FOLR2: variants seen among roughly 807,000 people sequenced by gnomAD.
The protein encoded by FOLR2 is folate receptor beta.
Under a neutral mutation model 20.4 loss-of-function variants are expected in FOLR2, and 14 were observed. That is an observed-to-expected ratio of 0.68 (90% CI 0.45 to 1.07). The LOEUF (loss-of-function observed/expected upper bound fraction) is 1.07, where lower values mean the gene tolerates loss of function less well. FOLR2 is among the 50% of genes least tolerant of loss of function. FOLR2 has a pLI of 0.00. For synonymous variants in FOLR2, 114 were observed against 114.3 expected (o/e 1.00, Z 0.02); for missense variants, 269 against 322.6 (o/e 0.83, Z 1.27).
chr11:72,221,067 T>TCGGGGGGGGGGGCGCCCCCCCCCC lies in FOLR2; in HGVS notation c.339+10_339+11insGGGGGGGGGGGCGCCCCCCCCCCC. 6.4e-7 allele frequency: 1 copy of TCGGGGGGGGGGGCGCCCCCCCCCC among 1,570,106 alleles called. No individual in the cohort carries two copies. The highest frequency in any genetic ancestry group is 8.7e-7 in the Non-Finnish European group (1 of 1,154,902). Reference sequence around the variant, plus strand: ...GGCCCTGGATCCAGCAGGTAGGGTGTCTCCCCCCCACCCACCCCAGCAGAC... The same window carrying TCGGGGGGGGGGGCGCCCCCCCCCC: ...GGCCCTGGATCCAGCAGGTAGGGTGTCGGGGGGGGGGGCGCCCCCCCCCCCTCCCCCCCACCCACCCCAGCAGAC... On this transcript the variant is annotated intron_variant, in intron 3 of 4. Transcript: ENST00000298223.
At chr11:72,217,267 C>G in intron 1 of FOLR2, 2 of 764,036 alleles carry the variant, frequency 2.6e-6, no homozygotes, top group South Asian at 2.9e-5. Context: ...TCAGGATCCA[C>G]CCACCTCGGC....
chr11:72,217,485 C>A, intron 1 of FOLR2: 1 of 927,446 alleles, frequency 1.1e-6, no homozygotes, highest in Non-Finnish European at 1.5e-6. Context: ...CCATTATCCA[C>A]TCTTTAGTGA....
chr11:72,221,383 G>T (rs1948490404), intron 4 of FOLR2, 72 bp downstream of exon 4: 1 of 1,598,884 alleles, frequency 6.3e-7, no homozygotes, highest in African/African-American at 1.3e-5. Flanking sequence ...AAGGATTTGG[G>T]GTGGGGTGAA....
At chr11:72,220,235 T>C (rs1445488644) in intron 2 of FOLR2, among the ~76,000 whole-genome samples, 1 of 152,232 alleles carries the variant, frequency 6.6e-6, no homozygotes, top group Admixed American at 6.5e-5. Flanking sequence ...TCTTACTACA[T>C]GCCAAGAAGA....
Position 72,221,206 on chromosome 11 carries a change from C to T in FOLR2, c.370C>T (p.Leu124=). The T allele has an allele frequency of 4.3e-6, 7 of 1,613,406 alleles. No homozygotes were observed. The highest frequency in any genetic ancestry group is 1.3e-5 in the African/African-American group (1 of 75,032). Residue 124 remains leucine (L), a synonymous_variant, in exon 4 of 5, where the codon CTG becomes TTG. Coordinates refer to ENST00000298223, the MANE Select transcript of FOLR2 (RefSeq NM_000803.5). ...VNQSWRKERF[L]DVPLCKEDCQ... is the part of the protein sequence containing the mutation. ...TCAGAGCTGGCGCAAAGAACGCTTCCTGGATGTGCCCTTATGCAAAGAGGA... is the reference window on the plus strand; with the variant it reads ...TCAGAGCTGGCGCAAAGAACGCTTCTTGGATGTGCCCTTATGCAAAGAGGA...
chr11:72,221,803 C>T lies in FOLR2; in HGVS notation c.*41C>T. 1 of 1,586,204 alleles carries T rather than the reference C, an allele frequency of 6.3e-7. No homozygotes were observed. The highest frequency in any genetic ancestry group is 8.6e-7 in the Non-Finnish European group (1 of 1,162,532). On this transcript the variant is annotated 3_prime_UTR_variant, in exon 5 of 5. Transcript: ENST00000298223. ...ACTACCTGCCCTCAGCTTGGATAAC[C>T]AGGCTGGGCTCAGCTCAGCTCCCAC...
chr11:72,217,500 G>A lies in FOLR2; in HGVS notation c.-25+575G>A, dbSNP rs574646011. On this transcript the variant is annotated intron_variant, in intron 1 of 4. Transcript: ENST00000298223. The stretch of plus-strand genomic sequence containing the variant: ...CCATTATCCACTCTTTAGTGACAGA[G>A]CCCAAAGGAACAGCTCTGTAATGGC... 14 of 812,460 alleles carry A rather than the reference G, an allele frequency of 1.7e-5. No homozygotes were observed. In the South Asian group the frequency reaches 1.8e-4, roughly 11 times the overall value. The allele number at this position is 812,460 out of a possible 1,614,324, so 50.3% of individuals were successfully genotyped here. A position where few individuals can be genotyped will look rare whatever the true frequency, so the allele number is the denominator to read the frequency against.
chr11:72,219,587 G>T (rs1477316309), intron 2 of FOLR2, among the ~76,000 whole-genome samples: 1 of 152,022 alleles, frequency 6.6e-6, no homozygotes, highest in Non-Finnish European at 1.5e-5. Context: ...TTATAAGTGG[G>T]GAGCTACAAA....
In FOLR2 at chr11:72,221,067, T is replaced by TCGGGGGGGGGGGGGGGGG; in HGVS notation, c.339+10_339+11insGGGGGGGGGGGGGGGGGC. ...GGCCCTGGATCCAGCAGGTAGGGTG[T>TCGGGGGGGGGGGGGGGGG]CTCCCCCCCACCCACCCCAGCAGAC... is the stretch of plus-strand genomic sequence containing the variant. On this transcript the variant is annotated intron_variant, in intron 3 of 4. Coordinates refer to ENST00000298223, the MANE Select transcript of FOLR2 (RefSeq NM_000803.5). The TCGGGGGGGGGGGGGGGGG allele has an allele frequency of 6.4e-7, 1 of 1,570,076 alleles. No individual in the cohort carries two copies. Among genetic ancestry groups the TCGGGGGGGGGGGGGGGGG allele is most frequent in the Non-Finnish European group, 8.7e-7 (1 of 1,154,874 alleles).
chr11:72,221,648 A>G lies in FOLR2; in HGVS notation c.654A>G (p.Glu218=), dbSNP rs1347455965. ...FDSAQGNPNE[E]VARFYAAAMH... ...CAGCCCAGGGCAACCCCAACGAGGA[A>G]GTGGCGAGGTTCTATGCTGCAGCCA... The change falls in exon 5 of 5, where the codon GAA becomes GAG. Residue 218 remains glutamate (E), a synonymous_variant. Coordinates refer to ENST00000298223, the MANE Select transcript of FOLR2 (RefSeq NM_000803.5). The G allele has an allele frequency of 6.2e-7, 1 of 1,614,202 alleles. No homozygotes were observed. The highest frequency in any genetic ancestry group is 1.7e-5 in the Admixed American group (1 of 60,028).
intron 2 of FOLR2, among the ~76,000 whole-genome samples, chr11:72,219,098 C>A (rs563409860): frequency 9.8e-5 from 15 of 152,328 alleles, no homozygotes; most frequent in African/African-American, 3.6e-4. Context: ...CACACAGGAG[C>A]TGGACATGAA....
Position 72,221,067 on chromosome 11 carries a change from T to TCGGGGGGGGGGGGCGCCC in FOLR2, c.339+10_339+11insGGGGGGGGGGGGCGCCCC. 6.4e-7 allele frequency: 1 copy of TCGGGGGGGGGGGGCGCCC among 1,570,102 alleles called. No homozygotes were observed. On this transcript the variant is annotated intron_variant, in intron 3 of 4. Transcript: ENST00000298223. ...GGCCCTGGATCCAGCAGGTAGGGTGTCTCCCCCCCACCCACCCCAGCAGAC... is the reference window on the plus strand; with the variant it reads ...GGCCCTGGATCCAGCAGGTAGGGTGTCGGGGGGGGGGGGCGCCCCTCCCCCCCACCCACCCCAGCAGAC...
intron 1 of FOLR2, among the ~76,000 whole-genome samples, chr11:72,218,357 T>C (rs1362970485): frequency 5.9e-5 from 9 of 152,216 alleles, no homozygotes; most frequent in African/African-American, 2.2e-4. Context: ...ACGCCAGTTC[T>C]CCTGAGCCTT....
Position 72,221,523 on chromosome 11 carries a change from C to G in FOLR2, c.529C>G (p.Pro177Ala), listed in dbSNP as rs1474833012. The G allele has an allele frequency of 2.5e-6, 4 of 1,613,960 alleles. No individual in the cohort carries two copies. Among genetic ancestry groups the G allele is most frequent in the Non-Finnish European group, 3.4e-6 (4 of 1,179,904 alleles). The change falls in exon 5 of 5, where the codon CCC becomes GCC. Residue 177 changes from proline to alanine, a missense_variant. Transcript: ENST00000298223. Reference protein sequence around the residue: ...ALCRTFESYFPTPAALCEGLW... With the variant: ...ALCRTFESYFATPAALCEGLW... ...CTGCCGCACCTTTGAGTCCTACTTC[C>G]CCACTCCAGCTGCCCTTTGTGAAGG... is the stretch of plus-strand genomic sequence containing the variant.
rs1948435321 is a variant in FOLR2 at position 72,218,749 on chromosome 11, T to G, written c.150+15T>G. 1.2e-6 allele frequency: 2 copies of G among 1,605,154 alleles called. No homozygotes were observed. The highest frequency in any genetic ancestry group is 1.7e-6 in the Non-Finnish European group (2 of 1,175,346). On this transcript the variant is annotated intron_variant, in intron 2 of 4. Coordinates refer to ENST00000298223, the MANE Select transcript of FOLR2 (RefSeq NM_000803.5). ...TGCATGACCAAGTACGGCTGGAGTG[T>G]GCCTCTGCTAAGGAGGGGGCTTGTT...
rs761631711 is a variant in FOLR2, at chr11:72,221,430, AGGGGCTGAAAG to A, written c.476-39_476-29del. 8.7e-6 allele frequency: 14 copies of A among 1,602,130 alleles called. No homozygotes were observed. In the African/African-American group the frequency reaches 1.9e-4, roughly 21 times the overall value. ...GTGGCCAGAAATGAGCTTTGGGCCC[AGGGGCTGAAAG>A]TCTGTGTCCACCATGCCTCTCCCTG... is the stretch of plus-strand genomic sequence containing the variant. On this transcript the variant is annotated intron_variant, in intron 4 of 4. Coordinates refer to ENST00000298223, the MANE Select transcript of FOLR2 (RefSeq NM_000803.5).
chr11:72,217,412 CAT>C (rs1336392960), intron 1 of FOLR2: 1 of 1,287,154 alleles, frequency 7.8e-7, no homozygotes, highest in East Asian at 5.6e-5. Context: ...TGACACTAAA[CAT>C]AGAGCCATGG....
chr11:72,218,837 C>T, intron 2 of FOLR2, 103 bp downstream of exon 2: 1 of 965,654 alleles, frequency 1.0e-6, no homozygotes, highest in East Asian at 2.7e-5. Context: ...ACCTCCACAT[C>T]CTGAAGTTTT....
chr11:72,216,813 G>A lies in FOLR2; in HGVS notation c.-137G>A, dbSNP rs1261310859. 2 of 1,384,936 alleles carry A rather than the reference G, an allele frequency of 1.4e-6. No homozygotes were observed. The highest frequency in any genetic ancestry group is 1.8e-4 in the Middle Eastern group (1 of 5,650). The allele number at this position is 1,384,936 out of a possible 1,614,324, so 85.8% of individuals were successfully genotyped here. A position where few individuals can be genotyped will look rare whatever the true frequency, so the allele number is the denominator to read the frequency against. ...CTTACCAGAGCGCGTTGTCTACCCTGTACCGAAGACAGAGGCTGTGGGGAC... is the reference window on the plus strand; with the variant it reads ...CTTACCAGAGCGCGTTGTCTACCCTATACCGAAGACAGAGGCTGTGGGGAC... On this transcript the variant is annotated 5_prime_UTR_variant, in exon 1 of 5. Coordinates refer to ENST00000298223, the MANE Select transcript of FOLR2 (RefSeq NM_000803.5).
Sources: allele counts gnomAD v4.1 joint callset (sites outside exome capture counted in the v4.1 genomes callset), GRCh38; gene constraint gnomAD v4.1.1; transcripts MANE v1.5; gene names NCBI Gene and HGNC (gene_info 2026-07-23, HGNC 2026-07-21).